Variants in SLC25A26 observed in about 807,000 individuals in gnomAD.
SLC25A26 encodes the protein solute carrier family 25 member 26.
Under a neutral mutation model 37.8 loss-of-function variants are expected in SLC25A26, and 36 were observed. The observed-to-expected ratio is 0.95, with a 90% CI of 0.73 to 1.26. The LOEUF is 1.26. SLC25A26 is among the 50% of genes most tolerant of loss of function. The probability of loss-of-function intolerance (pLI) is 0.00; values close to 1 mark genes in which losing one functional copy is unlikely to be tolerated. For synonymous variants in SLC25A26, 129 were observed against 122.5 expected, an observed-to-expected ratio of 1.05 and a Z score of -0.35; for missense variants, 390 against 331.1, an observed-to-expected ratio of 1.18 and a Z score of -1.38.
intron 7 of SLC25A26, among the ~76,000 whole-genome samples, chr3:66,368,308 G>C (rs2076870333): frequency 6.6e-6 from 1 of 152,124 alleles, no homozygotes; most frequent in Non-Finnish European, 1.5e-5. Flanking sequence ...TGTCTCTGTA[G>C]GGCCTCTTCG....
chr3:66,136,178 T>G (rs1405740169), intron 1 of SLC25A26, among the ~76,000 whole-genome samples: 1 of 152,232 alleles, frequency 6.6e-6, no homozygotes, highest in East Asian at 1.9e-4. Context: ...ACTTGCAAAT[T>G]TATTTCAGTG....
intron 5 of SLC25A26, among the ~76,000 whole-genome samples, chr3:66,331,046 T>C (rs527981434): frequency 4.6e-5 from 7 of 152,074 alleles, no homozygotes; most frequent in Non-Finnish European, 1.0e-4. Flanking sequence ...AACTATCTCT[T>C]CTTTTAAGAG....
chr3:66,282,790 C>A (rs1274723402), intron 5 of SLC25A26, among the ~76,000 whole-genome samples: 1 of 152,164 alleles, frequency 6.6e-6, no homozygotes, highest in Non-Finnish European at 1.5e-5. Context: ...TCATCACAAT[C>A]AAGATACAGA....
intron 5 of SLC25A26, among the ~76,000 whole-genome samples, chr3:66,265,314 AAAAAAT>A (rs1012399202): frequency 2.6e-5 from 4 of 152,214 alleles, no homozygotes; most frequent in Non-Finnish European, 5.9e-5. Context: ...CAAAAAAGAA[AAAAAAT>A]AAAAATAAAA....
In SLC25A26 at chr3:66,240,356, G is replaced by A. The variant is rs554928398; in HGVS notation, c.191-2847G>A. ...CCAGACTGGAGTGCAGTGGCATGACGTTGGCCCACTGCAACCTCAACCTCC... is the reference window on the plus strand; with the variant it reads ...CCAGACTGGAGTGCAGTGGCATGACATTGGCCCACTGCAACCTCAACCTCC... On this transcript the variant is annotated intron_variant, in intron 2 of 9. Transcript: ENST00000354883. Among the ~76,000 whole-genome samples the A allele has an allele frequency of 5.9e-5, 9 of 151,960 alleles. No individual in the cohort carries two copies. In the South Asian group the frequency reaches 1.2e-3, roughly 21 times the overall value.
chr3:66,374,190 C>CT (rs1282111172), intron 9 of SLC25A26, among the ~76,000 whole-genome samples: 2 of 147,400 alleles, frequency 1.4e-5, no homozygotes, highest in Non-Finnish European at 3.0e-5. Context: ...TCTCAGTGCA[C>CT]TTTTTTTCCA....
intron 1 of SLC25A26, among the ~76,000 whole-genome samples, chr3:66,185,797 T>A (rs2070815642): frequency 6.6e-6 from 1 of 151,706 alleles, no homozygotes; most frequent in Non-Finnish European, 1.5e-5. Flanking sequence ...GACTCTCACC[T>A]CTCTTTGACC....
chr3:66,365,430 G>A (rs1199184540), intron 7 of SLC25A26, among the ~76,000 whole-genome samples: 1 of 152,174 alleles, frequency 6.6e-6, no homozygotes, highest in African/African-American at 2.4e-5. Context: ...TCTGGTCGGG[G>A]TGAAACTAGG....
chr3:66,344,003 TAAC>T (rs1470772999), intron 5 of SLC25A26, among the ~76,000 whole-genome samples: 1 of 152,200 alleles, frequency 6.6e-6, no homozygotes, highest in Admixed American at 6.5e-5. Context: ...TTTATGATGA[TAAC>T]AAACTTCTCT....
intron 5 of SLC25A26, among the ~76,000 whole-genome samples, chr3:66,310,867 A>T (rs2075357320): frequency 6.6e-6 from 1 of 152,136 alleles, no homozygotes; most frequent in African/African-American, 2.4e-5. Flanking sequence ...ATCTGCTGTT[A>T]GTCTGATGGG....
intron 1 of SLC25A26, among the ~76,000 whole-genome samples, chr3:66,225,731 G>A (rs563858160): frequency 1.0e-3 from 159 of 152,176 alleles, no homozygotes; most frequent in African/African-American, 3.6e-3. Flanking sequence ...AGGATGCTTT[G>A]CCACTTAGAA....
intron 1 of SLC25A26, among the ~76,000 whole-genome samples, chr3:66,235,059 G>A (rs782198126): frequency 5.9e-5 from 9 of 152,000 alleles, no homozygotes; most frequent in Non-Finnish European, 1.0e-4. Flanking sequence ...CAGAACAAAC[G>A]TTATGTTTTT....
At chr3:66,346,491 G>C (rs200609309) in intron 6 of SLC25A26, 83 bp downstream of exon 6, 5 of 707,372 alleles carry the variant, frequency 7.1e-6, no homozygotes, top group South Asian at 2.5e-5. Context: ...AGAACATAAT[G>C]TTGACTAGAA....
Position 66,289,337 on chromosome 3 carries a change from C to G in SLC25A26, c.453+25958C>G, listed in dbSNP as rs149262832. On this transcript the variant is annotated intron_variant, in intron 5 of 9. Transcript: ENST00000354883. ...AAGCTCTTTAGTTTAATTAGATCCC[C>G]TTTGTCAATTTTGGCTTTGTTGCCA... 5.0e-4 allele frequency among the ~76,000 whole-genome samples: 76 copies of G among 152,126 alleles called. No homozygotes were observed. In the East Asian group the frequency reaches 0.014, roughly 28 times the overall value.
chr3:66,306,564 T>TG (rs1157987613), intron 5 of SLC25A26, among the ~76,000 whole-genome samples: 1 of 152,146 alleles, frequency 6.6e-6, no homozygotes, highest in Non-Finnish European at 1.5e-5. Flanking sequence ...TAGGTATACA[T>TG]GTGCCATGGT....
At chr3:66,171,316 T>TG (rs2070495873) in intron 1 of SLC25A26, among the ~76,000 whole-genome samples, 1 of 152,164 alleles carries the variant, frequency 6.6e-6, no homozygotes, top group Non-Finnish European at 1.5e-5. Context: ...AGTCCTCACA[T>TG]CTGGTTTTGT....
At chr3:66,139,995 C>G (rs1210102314) in intron 1 of SLC25A26, among the ~76,000 whole-genome samples, 1 of 152,142 alleles carries the variant, frequency 6.6e-6, no homozygotes, top group Non-Finnish European at 1.5e-5. Flanking sequence ...TTCGTTTAAG[C>G]ACATCAAGAA....
intron 6 of SLC25A26, among the ~76,000 whole-genome samples, chr3:66,355,369 C>T (rs972243687): frequency 4.6e-5 from 7 of 152,064 alleles, no homozygotes; most frequent in Non-Finnish European, 7.4e-5. Flanking sequence ...AAAATTGATG[C>T]TGCTTGCACA....
At chr3:66,303,799 C>T (rs974376203) in intron 5 of SLC25A26, among the ~76,000 whole-genome samples, 9 of 152,204 alleles carry the variant, frequency 5.9e-5, no homozygotes, top group African/African-American at 1.4e-4. Flanking sequence ...CACACAGTGA[C>T]AGTCAAGGTG....
Sources: allele counts gnomAD v4.1 joint callset (sites outside exome capture counted in the v4.1 genomes callset), GRCh38; gene constraint gnomAD v4.1.1; transcripts MANE v1.5; gene names NCBI Gene and HGNC (gene_info 2026-07-23, HGNC 2026-07-21).